RORA: variants seen among roughly 807,000 people sequenced by gnomAD.
RORA encodes RAR related orphan receptor A.
A neutral mutation model predicts 69.5 loss-of-function variants in RORA; 7 were observed. The observed-to-expected ratio is 0.10, with a 90% CI of 0.06 to 0.19. The LOEUF is 0.19. Among genes scored for constraint, RORA ranks in the 10% least tolerant of loss-of-function variants. The pLI is 1.00. For synonymous variants in RORA, 261 were observed against 240.8 expected (o/e 1.08, Z -0.78); for missense variants, 457 against 663.0 (o/e 0.69, Z 3.41).
intron 1 of RORA, among the ~76,000 whole-genome samples, chr15:60,910,904 GTTT>G (rs35069957): frequency 1.6e-5 from 2 of 125,190 alleles, no homozygotes; most frequent in Non-Finnish European, 3.3e-5. Context: ...TGTTTTTTGG[GTTT>G]TTTTTTTTTT....
At chr15:60,807,474 C>T (rs966989092) in intron 1 of RORA, among the ~76,000 whole-genome samples, 3 of 152,148 alleles carry the variant, frequency 2.0e-5, no homozygotes, top group East Asian at 3.8e-4. Context: ...TGGGTAGAAT[C>T]GACATTGTGA....
At chr15:60,934,952 G>A (rs1035717301) in intron 1 of RORA, among the ~76,000 whole-genome samples, 5 of 152,302 alleles carry the variant, frequency 3.3e-5, no homozygotes, top group South Asian at 4.1e-4. Flanking sequence ...TGTCTAAGCC[G>A]TTAACTGTGT....
At chr15:60,751,752 A>G (rs1260043860) in intron 1 of RORA, among the ~76,000 whole-genome samples, 2 of 152,152 alleles carry the variant, frequency 1.3e-5, no homozygotes, top group Non-Finnish European at 2.9e-5. Flanking sequence ...CTTCTTATAG[A>G]TGAAGAAACT....
At chr15:60,838,893 CTT>C (rs5813042) in intron 1 of RORA, among the ~76,000 whole-genome samples, 1,792 of 139,348 alleles carry the variant, frequency 0.013, 110 homozygotes, top group Admixed American at 0.086. Context: ...CACACATATA[CTT>C]TTTTTTTTTT....
At chr15:61,048,797 G>A (rs1457001044) in intron 1 of RORA, among the ~76,000 whole-genome samples, 2 of 152,132 alleles carry the variant, frequency 1.3e-5, no homozygotes, top group African/African-American at 4.8e-5. Flanking sequence ...GCTTCTTTAC[G>A]GCTCTTCAAG....
chr15:60,591,407 T>G (rs2068505010), intron 2 of RORA, among the ~76,000 whole-genome samples: 1 of 152,070 alleles, frequency 6.6e-6, no homozygotes, highest in African/African-American at 2.4e-5. Flanking sequence ...CCTGAACACC[T>G]CCAAACTTTA....
At chr15:60,533,244 CT>C (rs2066579789) in intron 2 of RORA, among the ~76,000 whole-genome samples, 2 of 152,108 alleles carry the variant, frequency 1.3e-5, no homozygotes, top group South Asian at 4.2e-4. Context: ...TTTTTTAGTG[CT>C]TGCATACTGA....
chr15:60,917,891 C>T (rs1412090708), intron 1 of RORA, among the ~76,000 whole-genome samples: 1 of 152,242 alleles, frequency 6.6e-6, no homozygotes, highest in Non-Finnish European at 1.5e-5. Flanking sequence ...AGCGTGACAG[C>T]GTCTCTGCTA....
chr15:60,988,155 T>TA (rs1242676861), intron 1 of RORA, among the ~76,000 whole-genome samples: 1 of 152,094 alleles, frequency 6.6e-6, no homozygotes, highest in African/African-American at 2.4e-5. Flanking sequence ...ACAGGGCAAC[T>TA]AAGTGGTAAG....
intron 1 of RORA, among the ~76,000 whole-genome samples, chr15:60,914,787 AAGACTAAAAATCTC>A (rs1467497525): frequency 6.6e-5 from 10 of 152,338 alleles, no homozygotes; most frequent in Middle Eastern, 3.4e-3. Context: ...AAAAGCAGTC[AAGACTAAAAATCTC>A]AGACATCGTA....
chr15:60,781,257 C>T (rs894070249), intron 1 of RORA, among the ~76,000 whole-genome samples: 22 of 152,090 alleles, frequency 1.4e-4, no homozygotes, highest in Admixed American at 1.3e-3. Context: ...TCTCTGGTGC[C>T]CGCAGCTTTC....
rs1208256942 is a variant in RORA at position 60,759,836 on chromosome 15, T to C, written c.167-81150A>G. Among the ~76,000 whole-genome samples the C allele has an allele frequency of 3.9e-5, 6 of 152,286 alleles. No individual in the cohort carries two copies. In the East Asian group the frequency reaches 1.2e-3, roughly 29 times the overall value. On this transcript the variant is annotated intron_variant, in intron 1 of 10. Transcript: ENST00000335670. ...AATGGAAAGAAATATTTAACCATCT[T>C]TGATACAAAGATAGGAGGGGGAAAT...
At chr15:60,838,391 G>C (rs891146616) in intron 1 of RORA, among the ~76,000 whole-genome samples, 1 of 152,204 alleles carries the variant, frequency 6.6e-6, no homozygotes, top group African/African-American at 2.4e-5. Flanking sequence ...TCTGGCATGG[G>C]AAAGAGGAAC....
At chr15:61,210,492 T>C (rs2079981261) in intron 1 of RORA, among the ~76,000 whole-genome samples, 1 of 152,130 alleles carries the variant, frequency 6.6e-6, no homozygotes, top group Non-Finnish European at 1.5e-5. Flanking sequence ...CAGAATAAAA[T>C]AAAATAATTC....
intron 1 of RORA, among the ~76,000 whole-genome samples, chr15:60,949,655 C>A (rs1232718684): frequency 2.0e-5 from 3 of 152,208 alleles, no homozygotes; most frequent in African/African-American, 4.8e-5. Flanking sequence ...ATATTGTCAA[C>A]TGGTGTCTTG....
At position 60,914,239 on chromosome 15, in the gene RORA, A is replaced by G. The variant is rs147830971; in HGVS notation, c.167-235553T>C. On this transcript the variant is annotated intron_variant, in intron 1 of 10. Transcript: ENST00000335670. ...TTGGACTCAAGAAGCACCAAATGTA[A>G]ACTGCAATGTCAGACTGCGAGAGAA... Among the ~76,000 whole-genome samples the G allele has an allele frequency of 1.6e-3, 250 of 152,316 alleles. 2 individuals carry two copies. The highest frequency in any genetic ancestry group is 5.8e-3 in the African/African-American group (240 of 41,568).
chr15:60,909,540 GA>G (rs1043812386), intron 1 of RORA, among the ~76,000 whole-genome samples: 11 of 151,958 alleles, frequency 7.2e-5, no homozygotes, highest in South Asian at 4.2e-4. Flanking sequence ...GATGTACTCT[GA>G]AAAAAAACCA....
chr15:61,158,811 G>A (rs2140881197), intron 1 of RORA, among the ~76,000 whole-genome samples: 1 of 152,320 alleles, frequency 6.6e-6, no homozygotes, highest in East Asian at 1.9e-4. Context: ...TCAGGAGTGA[G>A]TCATTCTGAA....
At chr15:61,183,189 T>C (rs1044170188) in intron 1 of RORA, 9 of 151,956 alleles carry the variant, frequency 5.9e-5, no homozygotes, top group African/African-American at 2.2e-4. Context: ...TATGCAGGAG[T>C]TGCCTGTACT....
Sources: gnomAD v4.1 joint callset for allele counts (sites outside exome capture counted in the v4.1 genomes callset) on GRCh38, gnomAD v4.1.1 for gene constraint, MANE v1.5 for transcripts, NCBI Gene and HGNC (gene_info 2026-07-23, HGNC 2026-07-21) for gene names.